Variants in MAST4 observed in about 807,000 individuals in gnomAD.
The protein encoded by MAST4 is microtubule-associated serine/threonine-protein kinase 4.
MAST4 carries 89 observed loss-of-function variants against 162.7 expected under a neutral mutation model. That is an observed-to-expected ratio of 0.55 (90% confidence interval 0.46 to 0.65). The LOEUF (loss-of-function observed/expected upper bound fraction) is 0.65, where lower values mean the gene tolerates loss of function less well. MAST4 is among the 30% of genes least tolerant of loss of function. The probability of loss-of-function intolerance (pLI) is 0.00; values close to 1 mark genes in which losing one functional copy is unlikely to be tolerated. For synonymous variants in MAST4, 1,479 were observed against 1,361.1 expected, an observed-to-expected ratio of 1.09 and a Z score of -1.91; for missense variants, 3,153 against 3,374.0, an observed-to-expected ratio of 0.93 and a Z score of 1.62.
At chr5:66,785,363 G>T (rs1322960359) in intron 2 of MAST4, among the ~76,000 whole-genome samples, 2 of 152,152 alleles carry the variant, frequency 1.3e-5, no homozygotes, top group Non-Finnish European at 2.9e-5. Context: ...GTTATTTTGT[G>T]ATTTTTGTAT....
At chr5:66,936,430 G>C (rs1462123505) in intron 4 of MAST4, among the ~76,000 whole-genome samples, 2 of 152,224 alleles carry the variant, frequency 1.3e-5, no homozygotes, top group African/African-American at 2.4e-5. Context: ...AATCACCTGG[G>C]TGCAGGCGGG....
intron 1 of MAST4, among the ~76,000 whole-genome samples, chr5:66,727,262 A>G (rs1427700151): frequency 3.9e-5 from 6 of 152,328 alleles, no homozygotes; most frequent in African/African-American, 1.2e-4. Context: ...TCATGAAACA[A>G]TATTTTACCT....
chr5:67,021,548 A>G (rs1036767389), intron 4 of MAST4, among the ~76,000 whole-genome samples: 11 of 152,238 alleles, frequency 7.2e-5, no homozygotes, highest in Non-Finnish European at 1.5e-5. Context: ...ACTCTGAGCC[A>G]TTTGAACAAA....
rs1210196236 is a variant in MAST4, at chr5:67,016,916, A to T, written c.675-37488A>T. Among the ~76,000 whole-genome samples the T allele has an allele frequency of 2.0e-5, 3 of 152,242 alleles. No individual in the cohort carries two copies. The East Asian group carries it at 5.8e-4, about 29-fold the overall frequency. ...GGACAAAAATTCTTTCTGATTATGG[A>T]TGGCAATACAATGGGTATGCCAGAA... is the stretch of plus-strand genomic sequence containing the variant. On this transcript the variant is annotated intron_variant, in intron 4 of 28. Transcript: ENST00000403625.
At chr5:66,744,456 T>C (rs1428753229) in intron 1 of MAST4, among the ~76,000 whole-genome samples, 2 of 152,210 alleles carry the variant, frequency 1.3e-5, no homozygotes, top group Non-Finnish European at 2.9e-5. Flanking sequence ...TTATAAGAAG[T>C]ATGTATTAGT....
chr5:66,722,054 C>T (rs1162063250), intron 1 of MAST4, among the ~76,000 whole-genome samples: 1 of 152,174 alleles, frequency 6.6e-6, no homozygotes, highest in African/African-American at 2.4e-5. Flanking sequence ...CATCCCTGCC[C>T]TCTGCCACCT....
chr5:66,720,344 TA>T (rs199560062), intron 1 of MAST4, among the ~76,000 whole-genome samples: 9,793 of 152,084 alleles, frequency 0.064, 407 homozygotes, highest in Middle Eastern at 0.14. Flanking sequence ...AAAATTCCAT[TA>T]AAAAAAATTT....
chr5:67,049,023 G>GTATATATATACACACGTA (rs1757758502), intron 4 of MAST4, among the ~76,000 whole-genome samples: 1 of 85,664 alleles, frequency 1.2e-5, no homozygotes, highest in African/African-American at 4.8e-5. Context: ...ATATATATAC[G>GTATATATATACACACGTA]TATATATATA....
intron 3 of MAST4, among the ~76,000 whole-genome samples, chr5:66,879,309 GATATATAT>G (rs748056195): frequency 6.8e-6 from 1 of 146,790 alleles, no homozygotes. Context: ...AAATTGTACT[GATATATAT>G]ATATATATTT....
intron 4 of MAST4, among the ~76,000 whole-genome samples, chr5:67,013,182 C>G (rs1752893814): frequency 6.6e-6 from 1 of 152,212 alleles, no homozygotes; most frequent in Non-Finnish European, 1.5e-5. Flanking sequence ...ATCTTGACAT[C>G]TGGTAGGCCA....
At chr5:66,967,947 G>A (rs1367558436) in intron 4 of MAST4, among the ~76,000 whole-genome samples, 1 of 152,120 alleles carries the variant, frequency 6.6e-6, no homozygotes, top group Non-Finnish European at 1.5e-5. Flanking sequence ...CTTAGGAGCT[G>A]TTTGTATAAT....
intron 12 of MAST4, chr5:67,114,707 C>T (rs1405503870): frequency 6.5e-6 from 1 of 154,238 alleles, no homozygotes; most frequent in Non-Finnish European, 1.4e-5. Context: ...AAATATAAAA[C>T]ATAGTAATAT....
At chr5:67,043,303 A>G (rs1756987907) in intron 4 of MAST4, among the ~76,000 whole-genome samples, 2 of 152,218 alleles carry the variant, frequency 1.3e-5, no homozygotes, top group South Asian at 4.1e-4. Context: ...CTATATTATA[A>G]TAATTTAGTT....
chr5:67,155,837 C>G (rs184645606), intron 26 of MAST4, among the ~76,000 whole-genome samples: 1 of 151,892 alleles, frequency 6.6e-6, no homozygotes, highest in Non-Finnish European at 1.5e-5. Context: ...CGAGGTGGGG[C>G]GATCACGAGG....
intron 10 of MAST4, among the ~76,000 whole-genome samples, chr5:67,105,435 A>G (rs925119773): frequency 6.6e-6 from 1 of 152,190 alleles, no homozygotes; most frequent in African/African-American, 2.4e-5. Flanking sequence ...AGCTGGCGAG[A>G]TAAGATCCTT....
intron 3 of MAST4, among the ~76,000 whole-genome samples, chr5:66,807,886 C>G (rs535804873): frequency 6.6e-6 from 1 of 152,152 alleles, no homozygotes; most frequent in African/African-American, 2.4e-5. Context: ...ATATCAAAGC[C>G]GATATTCCTG....
At chr5:66,608,571 G>C (rs559344153) in intron 1 of MAST4, among the ~76,000 whole-genome samples, 1 of 151,604 alleles carries the variant, frequency 6.6e-6, no homozygotes, top group African/African-American at 2.4e-5. Flanking sequence ...AAGTGTTGAG[G>C]GTACTGTCTC....
chr5:67,102,116 T>C (rs145178799), intron 8 of MAST4, among the ~76,000 whole-genome samples: 3 of 151,940 alleles, frequency 2.0e-5, no homozygotes, highest in East Asian at 3.9e-4. Flanking sequence ...AGGTGTATGA[T>C]AAAAGTGTGA....
At chr5:66,635,944 CTGTTTTTTTTTTTTT>C (rs1745081663) in intron 1 of MAST4, among the ~76,000 whole-genome samples, 1 of 88,184 alleles carries the variant, frequency 1.1e-5, no homozygotes, top group Admixed American at 1.4e-4. Context: ...AAGATAGAGA[CTGTTTTTTTTTTTTT>C]TTTTTTTTTT....
Sources: allele counts gnomAD v4.1 joint callset (sites outside exome capture counted in the v4.1 genomes callset), GRCh38; gene constraint gnomAD v4.1.1; transcripts MANE v1.5; gene names NCBI Gene and HGNC (gene_info 2026-07-23, HGNC 2026-07-21).